Variants in GRIA3 observed in about 807,000 individuals in gnomAD.
GRIA3 encodes the protein glutamate receptor 3.
A neutral mutation model predicts 63.0 loss-of-function variants in GRIA3; 3 were observed. The observed-to-expected ratio is 0.05, with a 90% CI of 0.02 to 0.12. The LOEUF is 0.12. Ranked by LOEUF, GRIA3 falls within the 10% of genes least tolerant of loss-of-function variation. GRIA3 has a pLI of 1.00. For missense variants in GRIA3, 347 were observed against 700.9 expected (o/e 0.50, Z 5.70); for synonymous variants, 274 against 257.9 (o/e 1.06, Z -0.60).
At position 123,417,520 on chromosome X, in the gene GRIA3, C is replaced by T; in HGVS notation, c.1619C>T (p.Ser540Leu). 1 of 1,210,515 alleles carries T rather than the reference C, an allele frequency of 8.3e-7. No homozygotes were observed. The highest frequency in any genetic ancestry group is 1.1e-6 in the Non-Finnish European group (1 of 894,653). Residue 540 changes from serine (S) to leucine (L), a missense_variant, in exon 11 of 16, where the codon TCA (serine) becomes TTA (leucine). Ser to Leu is a moderately radical substitution (Grantham distance 145, BLOSUM62 -2). This residue lies in a region of GRIA3 where 7 missense variants were observed against 72.7 expected (regional missense o/e 0.10). Transcript: ENST00000620443. ...ATCATGATAAAGAAGCCTCAGAAAT[C>T]AAAACCAGGCGTATTCTCATTTCTG... ...ISIMIKKPQK[S>L]KPGVFSFLDP... is the part of the protein sequence containing the mutation.
At chrX:123,300,622 TTTTG>T (rs57768786) in intron 3 of GRIA3, among the ~76,000 whole-genome samples, 71 of 106,706 alleles carry the variant, frequency 6.7e-4, no homozygotes, top group African/African-American at 1.4e-3. Flanking sequence ...TTTAATGGTT[TTTTG>T]TTTGTTTGTT....
chrX:123,255,386 A>C (rs1483805727), intron 3 of GRIA3, among the ~76,000 whole-genome samples: 4 of 111,060 alleles, frequency 3.6e-5, no homozygotes, highest in Non-Finnish European at 7.5e-5. Context: ...TAATTTGCCA[A>C]ATTTTAATAA....
intron 3 of GRIA3, among the ~76,000 whole-genome samples, chrX:123,269,323 G>T (rs1214517365): frequency 8.9e-6 from 1 of 111,954 alleles, no homozygotes; most frequent in Non-Finnish European, 1.9e-5. Flanking sequence ...TTGTTGTATG[G>T]GTTACATCCA....
At chrX:123,402,516 G>A (rs762987110) in intron 7 of GRIA3, among the ~76,000 whole-genome samples, 4 of 110,199 alleles carry the variant, frequency 3.6e-5, no homozygotes, top group Non-Finnish European at 5.7e-5. Flanking sequence ...AGAACATGCC[G>A]AAGGTCATTC....
At chrX:123,207,013 C>G (rs1400261985) in intron 2 of GRIA3, among the ~76,000 whole-genome samples, 1 of 111,699 alleles carries the variant, frequency 9.0e-6, no homozygotes, top group Non-Finnish European at 1.9e-5. Flanking sequence ...ATTTCTGTTG[C>G]TGCAACAGGA....
intron 3 of GRIA3, among the ~76,000 whole-genome samples, chrX:123,262,713 G>A (rs1184110648): frequency 8.9e-6 from 1 of 112,112 alleles, no homozygotes; most frequent in Non-Finnish European, 1.9e-5. Context: ...GAGCTAGATT[G>A]TGTGGTATGG....
chrX:123,254,867 A>G (rs1459118741), intron 3 of GRIA3, among the ~76,000 whole-genome samples: 4 of 111,596 alleles, frequency 3.6e-5, no homozygotes, highest in African/African-American at 1.3e-4. Context: ...TTCCTTCTTA[A>G]TGTTATATTC....
intron 3 of GRIA3, among the ~76,000 whole-genome samples, chrX:123,262,593 T>C (rs1464861818): frequency 8.9e-6 from 1 of 112,275 alleles, no homozygotes; most frequent in Admixed American, 9.4e-5. Context: ...TAATAACAGC[T>C]CTGTTCAATA....
intron 12 of GRIA3, among the ~76,000 whole-genome samples, chrX:123,459,773 G>A (rs2045782580): frequency 9.2e-6 from 1 of 108,918 alleles, no homozygotes; most frequent in African/African-American, 3.3e-5. Context: ...CTAAGATTCA[G>A]TCCCTTTTAT....
rs1569440963 is a variant in GRIA3 at position 123,463,724 on chromosome X, G to GAAGAGAGAGAAAGAAAGAAAAAGAGAGAA, written c.2077-1140_2077-1139insAGAGAGAGAAAGAAAGAAAAAGAGAGAAA. Among the ~76,000 whole-genome samples, 47 of 72,394 alleles carry GAAGAGAGAGAAAGAAAGAAAAAGAGAGAA rather than the reference G, an allele frequency of 6.5e-4. 2 individuals carry two copies. Among genetic ancestry groups the GAAGAGAGAGAAAGAAAGAAAAAGAGAGAA allele is most frequent in the African/African-American group, 2.4e-3 (44 of 18,143 alleles). The allele number at this position is 72,394 out of a possible 115,157, so 62.9% of individuals were successfully genotyped here. A position where few individuals can be genotyped will look rare whatever the true frequency, so the allele number is the denominator to read the frequency against. ...AAAAAGAAAGAAAGAAAGAAAGAAAGAGAAAGAAGAGAGAGAAAGAAAGAA... is the reference window on the plus strand; with the variant it reads ...AAAAAGAAAGAAAGAAAGAAAGAAAGAAGAGAGAGAAAGAAAGAAAAAGAGAGAAAGAAAGAAGAGAGAGAAAGAAAGAA... On this transcript the variant is annotated intron_variant, in intron 12 of 15. Transcript: ENST00000620443.
At chrX:123,452,946 G>A (rs1472905650) in intron 12 of GRIA3, among the ~76,000 whole-genome samples, 1 of 112,107 alleles carries the variant, frequency 8.9e-6, no homozygotes, top group African/African-American at 3.2e-5. Context: ...TGGTGGGACT[G>A]TAACTAGTTC....
At chrX:123,338,844 C>G (rs2044991378) in intron 4 of GRIA3, among the ~76,000 whole-genome samples, 1 of 112,376 alleles carries the variant, frequency 8.9e-6, no homozygotes, top group African/African-American at 3.2e-5. Context: ...GCCACCATGC[C>G]TGGCCCCATC....
At chrX:123,227,100 CCT>C (rs777822874) in intron 2 of GRIA3, among the ~76,000 whole-genome samples, 58 of 111,879 alleles carry the variant, frequency 5.2e-4, no homozygotes, top group Non-Finnish European at 1.0e-3. Context: ...GATTCCTCCT[CCT>C]CTTTTTCCCT....
chrX:123,243,048 C>T (rs902553182), intron 2 of GRIA3, among the ~76,000 whole-genome samples: 2 of 111,071 alleles, frequency 1.8e-5, no homozygotes, highest in African/African-American at 6.6e-5. Flanking sequence ...CTTGGAGCAT[C>T]TAAGTAACTA....
chrX:123,194,128 G>C (rs887097177), intron 2 of GRIA3, among the ~76,000 whole-genome samples: 1 of 111,095 alleles, frequency 9.0e-6, no homozygotes, highest in Admixed American at 9.5e-5. Flanking sequence ...CCTGCTGCCT[G>C]TTCTGTGTGT....
At chrX:123,399,299 A>T (rs2147381528) in intron 7 of GRIA3, among the ~76,000 whole-genome samples, 1 of 112,090 alleles carries the variant, frequency 8.9e-6, no homozygotes, top group East Asian at 2.8e-4. Context: ...TTCTGTTGTC[A>T]AAAAGAACAC....
intron 12 of GRIA3, among the ~76,000 whole-genome samples, chrX:123,436,071 G>A (rs909399383): frequency 9.0e-6 from 1 of 111,206 alleles, no homozygotes; most frequent in Non-Finnish European, 1.9e-5. Context: ...AATAGCTAAT[G>A]TATGCAGGGT....
intron 2 of GRIA3, among the ~76,000 whole-genome samples, chrX:123,206,428 G>A (rs1927888848): frequency 8.9e-6 from 1 of 112,088 alleles, no homozygotes; most frequent in African/African-American, 3.2e-5. Flanking sequence ...GAGATGCTCG[G>A]CAGATGGCTC....
chrX:123,210,809 A>T (rs1034057832), intron 2 of GRIA3, among the ~76,000 whole-genome samples: 11 of 111,690 alleles, frequency 9.8e-5, no homozygotes, highest in Non-Finnish European at 2.1e-4. Flanking sequence ...TTTATCTAAG[A>T]CTATGCATAT....
Sources: gnomAD v4.1 joint callset for allele counts (sites outside exome capture counted in the v4.1 genomes callset) on GRCh38, gnomAD v4.1.1 for gene constraint, gnomAD v4.1.1 regional missense constraint, MANE v1.5 for transcripts, NCBI Gene and HGNC (gene_info 2026-07-23, HGNC 2026-07-21) for gene names.